ARFGAP3: variants seen among roughly 807,000 people sequenced by gnomAD.
ARFGAP3 encodes ARF GTPase activating protein 3.
ARFGAP3 carries 72 observed loss-of-function variants against 75.0 expected under a neutral mutation model. That is an observed-to-expected ratio of 0.96 (90% confidence interval 0.79 to 1.17). ARFGAP3 has a LOEUF of 1.17. ARFGAP3 is among the 50% of genes most tolerant of loss of function. The probability of loss-of-function intolerance (pLI) is 0.00; values close to 1 mark genes in which losing one functional copy is unlikely to be tolerated. For synonymous variants in ARFGAP3, 221 were observed against 217.9 expected, an observed-to-expected ratio of 1.01 and a Z score of -0.13; for missense variants, 620 against 626.6, an observed-to-expected ratio of 0.99 and a Z score of 0.11.
At chr22:42,802,878 G>A (rs1014204666) in intron 14 of ARFGAP3, among the ~76,000 whole-genome samples, 1 of 152,144 alleles carries the variant, frequency 6.6e-6, no homozygotes, top group African/African-American at 2.4e-5. Context: ...GGGATTACAG[G>A]CGTGAGCCAC....
In ARFGAP3 at chr22:42,828,188, C is replaced by T. The variant is rs1008540883; in HGVS notation, c.566-1189G>A. ...CTGTAATCCCAGCACTTCGGGAGGC[C>T]AAGGGGGACGCATCATGAGGTCAAG... On this transcript the variant is annotated intron_variant, in intron 6 of 15. Coordinates refer to ENST00000263245, the MANE Select transcript of ARFGAP3 (RefSeq NM_014570.5). Among the ~76,000 whole-genome samples, 6 of 151,308 alleles carry T rather than the reference C, an allele frequency of 4.0e-5. No homozygotes were observed. The South Asian group carries it at 1.3e-3, about 32-fold the overall frequency.
At chr22:42,808,130 G>A (rs546828904) in intron 13 of ARFGAP3, among the ~76,000 whole-genome samples, 138 of 152,026 alleles carry the variant, frequency 9.1e-4, no homozygotes, top group East Asian at 8.2e-3. Flanking sequence ...GGGCGTGGTG[G>A]CTCACGCCTG....
At chr22:42,828,627 T>C (rs1362714031) in intron 6 of ARFGAP3, among the ~76,000 whole-genome samples, 1 of 151,956 alleles carries the variant, frequency 6.6e-6, no homozygotes, top group Non-Finnish European at 1.5e-5. Flanking sequence ...ACATCCGGAC[T>C]TCAGAGGTTA....
At chr22:42,848,877 G>A (rs1276061975) in intron 1 of ARFGAP3, among the ~76,000 whole-genome samples, 1 of 152,298 alleles carries the variant, frequency 6.6e-6, no homozygotes, top group Middle Eastern at 3.4e-3. Context: ...TGGCAGAAAT[G>A]ACCATGTCAT....
Position 42,805,581 on chromosome 22 carries a change from A to G in ARFGAP3, c.1411+1492T>C, listed in dbSNP as rs533209898. 3.9e-5 allele frequency among the ~76,000 whole-genome samples: 6 copies of G among 152,264 alleles called. No homozygotes were observed. In the South Asian group the frequency reaches 1.2e-3, roughly 32 times the overall value. On this transcript the variant is annotated intron_variant, in intron 14 of 15. Coordinates refer to ENST00000263245, the MANE Select transcript of ARFGAP3 (RefSeq NM_014570.5). The stretch of plus-strand genomic sequence containing the variant: ...CAGGACACTGAAAGTTTGGAGATGG[A>G]ACAAGCCAATGAGCCTCACCTGCCC...
chr22:42,797,137 T>G lies in ARFGAP3; in HGVS notation c.*451A>C, dbSNP rs1320440663. ...ATCTGTCACACGAGACACCAGTCAC[T>G]TTTGGTCTTTTGAAGGAAGTGTGTG... On this transcript the variant is annotated 3_prime_UTR_variant, in exon 16 of 16. Transcript: ENST00000263245. 1.3e-5 allele frequency: 2 copies of G among 157,860 alleles called. No homozygotes were observed. The highest frequency in any genetic ancestry group is 2.8e-5 in the Non-Finnish European group (2 of 72,192). 9.8% of individuals were successfully genotyped at this position (157,860 alleles called of 1,614,324 possible). A position where few individuals can be genotyped will look rare whatever the true frequency, so the allele number is the denominator to read the frequency against.
At chr22:42,816,671 C>A (rs1569144856) in intron 11 of ARFGAP3, among the ~76,000 whole-genome samples, 1 of 152,178 alleles carries the variant, frequency 6.6e-6, no homozygotes, top group Non-Finnish European at 1.5e-5. Flanking sequence ...GGGGTCCCCT[C>A]AAAGTACAAT....
At chr22:42,844,967 C>T (rs1602129975) in intron 2 of ARFGAP3, among the ~76,000 whole-genome samples, 1 of 152,162 alleles carries the variant, frequency 6.6e-6, no homozygotes. Flanking sequence ...GCTGTACTGC[C>T]CCTCAGGCTC....
chr22:42,837,551 T>C (rs12172346), intron 3 of ARFGAP3, among the ~76,000 whole-genome samples: 3 of 147,038 alleles, frequency 2.0e-5, no homozygotes, highest in South Asian at 2.1e-4. Flanking sequence ...GCCCAGGAAG[T>C]TGAGGCTGCA....
intron 2 of ARFGAP3, among the ~76,000 whole-genome samples, chr22:42,844,599 A>AG (rs1321465184): frequency 9.1e-6 from 1 of 110,178 alleles, no homozygotes; most frequent in East Asian, 2.6e-4. Flanking sequence ...GAAAAAAAAA[A>AG]AAAAAAAATA....
intron 14 of ARFGAP3, among the ~76,000 whole-genome samples, chr22:42,804,763 A>G (rs1461746732): frequency 6.6e-6 from 1 of 151,804 alleles, no homozygotes; most frequent in Non-Finnish European, 1.5e-5. Flanking sequence ...TGATCCGCCT[A>G]CCTCGGCCTC....
intron 2 of ARFGAP3, chr22:42,847,190 C>A (rs1927059352): frequency 1.7e-5 from 3 of 174,866 alleles, no homozygotes; most frequent in Non-Finnish European, 2.4e-5. Context: ...TTTTAAGAGA[C>A]AGGGTCTTAC....
intron 1 of ARFGAP3, among the ~76,000 whole-genome samples, chr22:42,848,695 T>C (rs900633821): frequency 6.6e-6 from 1 of 152,134 alleles, no homozygotes; most frequent in African/African-American, 2.4e-5. Context: ...TGGCAGTGGC[T>C]ATACCAGATG....
In ARFGAP3 at chr22:42,835,382, T is replaced by C. The variant is rs1926474090; in HGVS notation, c.373A>G (p.Thr125Ala). ...CTTACATCAGTGCCATGCTTCCGTG[T>C]TGCTTGAGAGGCGAGCGATTTGATT... ...EKIKSLASQA[T>A]RKHGTDLWLD... The change falls in exon 4 of 16, where the codon ACA (threonine) becomes GCA (alanine). Residue 125 changes from threonine to alanine, a missense_variant. Thr to Ala is a moderately conservative substitution (Grantham distance 58). Transcript: ENST00000263245. The C allele has an allele frequency of 6.2e-7, 1 of 1,614,004 alleles. No individual in the cohort carries two copies. Among genetic ancestry groups the C allele is most frequent in the African/African-American group, 1.3e-5 (1 of 74,924 alleles).
chr22:42,847,087 T>C (rs1341055354), intron 2 of ARFGAP3: 2 of 168,958 alleles, frequency 1.2e-5, no homozygotes, highest in East Asian at 3.7e-4. Context: ...CATTAACCCA[T>C]ACCAATGAGG....
chr22:42,817,173 T>G lies in ARFGAP3; in HGVS notation c.1033A>C (p.Ser345Arg). 4 of 1,613,340 alleles carry G rather than the reference T, an allele frequency of 2.5e-6. No homozygotes were observed. The highest frequency in any genetic ancestry group is 3.4e-6 in the Non-Finnish European group (4 of 1,179,446). The change falls in exon 11 of 16, where the codon AGT becomes CGT. Residue 345 changes from serine (S) to arginine (R), a missense_variant. Coordinates refer to ENST00000263245, the MANE Select transcript of ARFGAP3 (RefSeq NM_014570.5). The part of the protein sequence containing the change: ...AKPRKKYNDD[S>R]DDSYFTSSSS... ...CTGGAAGTAAAATATGAATCGTCACTGTCATCATTATACTTTTTTCTTGGT... is the reference window on the plus strand; with the variant it reads ...CTGGAAGTAAAATATGAATCGTCACGGTCATCATTATACTTTTTTCTTGGT...
At chr22:42,849,729 T>G (rs1213816011) in intron 1 of ARFGAP3, among the ~76,000 whole-genome samples, 1 of 152,036 alleles carries the variant, frequency 6.6e-6, no homozygotes, top group Non-Finnish European at 1.5e-5. Context: ...CCCAGATTTT[T>G]TTTTTTCTTT....
Position 42,857,207 on chromosome 22 carries a change from C to A in ARFGAP3, c.-25G>T. Reference sequence around the variant, plus strand: ...TCGTCAGCTGTGAGCCGCGGCGCAGCTGGCCCAGCCAACCGGTAAGAGTCG... The same window carrying A: ...TCGTCAGCTGTGAGCCGCGGCGCAGATGGCCCAGCCAACCGGTAAGAGTCG... On this transcript the variant is annotated 5_prime_UTR_variant, in exon 1 of 16. Coordinates refer to ENST00000263245, the MANE Select transcript of ARFGAP3 (RefSeq NM_014570.5). 1 of 1,504,968 alleles carries A rather than the reference C, an allele frequency of 6.6e-7. No homozygotes were observed. The highest frequency in any genetic ancestry group is 8.9e-7 in the Non-Finnish European group (1 of 1,123,870). The allele number at this position is 1,504,968 out of a possible 1,614,324, so 93.2% of individuals were successfully genotyped here.
chr22:42,846,627 A>G (rs2072702807), intron 2 of ARFGAP3, among the ~76,000 whole-genome samples: 1 of 152,212 alleles, frequency 6.6e-6, no homozygotes, highest in South Asian at 2.1e-4. Flanking sequence ...GCCACTAAAA[A>G]TCATTCACTC....
Sources: gnomAD v4.1 joint callset for allele counts (sites outside exome capture counted in the v4.1 genomes callset) on GRCh38, gnomAD v4.1.1 for gene constraint, MANE v1.5 for transcripts, NCBI Gene and HGNC (gene_info 2026-07-23, HGNC 2026-07-21) for gene names.